Variants in MIB2 observed in about 807,000 individuals in gnomAD.
The protein encoded by MIB2 is E3 ubiquitin-protein ligase MIB2.
MIB2 carries 78 observed loss-of-function variants against 96.6 expected under a neutral mutation model. The ratio of observed to expected loss-of-function variants is 0.81; its 90% confidence interval spans 0.67 to 0.97. The LOEUF is 0.97. Ranked by LOEUF, MIB2 falls within the 50% of genes least tolerant of loss-of-function variation. The probability of loss-of-function intolerance (pLI) is 0.00; values close to 1 mark genes in which losing one functional copy is unlikely to be tolerated. For synonymous variants in MIB2, 820 were observed against 629.5 expected, an observed-to-expected ratio of 1.30 and a Z score of -4.53; for missense variants, 1,543 against 1,424.0, an observed-to-expected ratio of 1.08 and a Z score of -1.35.
intron 2 of MIB2, among the ~76,000 whole-genome samples, chr1:1,621,843 G>A (rs1644286315): frequency 6.6e-6 from 1 of 152,236 alleles, no homozygotes; most frequent in Non-Finnish European, 1.5e-5. Context: ...CAGAGCCTCT[G>A]CACTGGACTC....
At chr1:1,616,651 C>T (rs750639538) in intron 2 of MIB2, 37 bp downstream of exon 2, 5 of 1,510,210 alleles carry the variant, frequency 3.3e-6, no homozygotes, top group South Asian at 2.4e-5. Flanking sequence ...ATAGTTTGCA[C>T]TTGGCTCTCC....
chr1:1,621,573 A>G (rs1262588882), intron 2 of MIB2, among the ~76,000 whole-genome samples: 2 of 152,242 alleles, frequency 1.3e-5, no homozygotes, highest in African/African-American at 4.8e-5. Context: ...AGATGAGGCC[A>G]TGTGGGGTTT....
At chr1:1,627,913 T>A in intron 13 of MIB2, 84 bp downstream of exon 13, 6 of 1,597,892 alleles carry the variant, frequency 3.8e-6, no homozygotes, top group Non-Finnish European at 4.2e-6. Context: ...TGTGTGCTGC[T>A]CCCTGGCCTG....
At chr1:1,616,014 C>G (rs981764419) in intron 1 of MIB2, 1 of 984,636 alleles carries the variant, frequency 1.0e-6, no homozygotes, top group Non-Finnish European at 1.2e-6. Context: ...AACGCCGGGA[C>G]AGACCGACAG....
upstream of MIB2, chr1:1,615,354 A>G (rs1226729739): frequency 2.1e-6 from 3 of 1,404,450 alleles, no homozygotes; most frequent in Non-Finnish European, 1.8e-6. Flanking sequence ...CCGGAGGCTA[A>G]GCCGCTCGGA....
At chr1:1,624,014 C>G (rs546595349) in intron 4 of MIB2, 69 bp downstream of exon 4, 43 of 1,512,102 alleles carry the variant, frequency 2.8e-5, no homozygotes, top group Admixed American at 4.0e-5. Context: ...CCTTGGCCTT[C>G]GGGGAGGGTG....
chr1:1,623,520 G>T lies in MIB2; in HGVS notation c.68G>T (p.Trp23Leu). ...GTGGTGCGCGGCGTGGACTGGAAGT[G>T]GGGCCAGCAGGACGGCGGCGAGGGC... The part of the protein sequence containing the change: ...MRVVRGVDWK[W>L]GQQDGGEGGV... The change falls in exon 3 of 20, where the codon TGG becomes TTG. Residue 23 changes from tryptophan to leucine, a missense_variant. Transcript: ENST00000355826. 6.4e-7 allele frequency: 1 copy of T among 1,554,932 alleles called. No homozygotes were observed. Among genetic ancestry groups the T allele is most frequent in the Admixed American group, 1.9e-5 (1 of 52,044 alleles).
rs375791650 is a variant in MIB2 at position 1,628,296 on chromosome 1, G to A, written c.1865G>A (p.Arg622Gln). Residue 622 changes from arginine (R) to glutamine (Q), a missense_variant, in exon 15 of 20, where the codon CGG (arginine) becomes CAG (glutamine). By Grantham distance (43) the Arg-to-Gln change is conservative. Coordinates refer to ENST00000355826, the MANE Select transcript of MIB2 (RefSeq NM_001170687.4). ...HALAVRKILARARQLVDAKKE... is the reference protein window; with the variant it reads ...HALAVRKILAQARQLVDAKKE... Reference sequence around the variant, plus strand: ...AGAGCTGTGAGAAAGATTCTGGCTCGGGCGCGGCAGCTGGTGGACGCCAAG... The same window carrying A: ...AGAGCTGTGAGAAAGATTCTGGCTCAGGCGCGGCAGCTGGTGGACGCCAAG... 22 of 1,612,820 alleles carry A rather than the reference G, an allele frequency of 1.4e-5. No homozygotes were observed. Among genetic ancestry groups the A allele is most frequent in the Admixed American group, 1.2e-4 (7 of 59,994 alleles).
In MIB2 at chr1:1,615,645, C is replaced by A. The variant is rs1643537116; in HGVS notation, c.-130+12C>A. The A allele has an allele frequency of 1.3e-6, 2 of 1,574,392 alleles. No individual in the cohort carries two copies. The highest frequency in any genetic ancestry group is 1.2e-5 in the South Asian group (1 of 85,904). The stretch of plus-strand genomic sequence containing the variant: ...CCTCTCGGCTGATGGTGCGTGCGGG[C>A]GCGGATCTCCTCCCCTGGTCCTCCG... On this transcript the variant is annotated intron_variant, in intron 1 of 19. Coordinates refer to ENST00000355826, the MANE Select transcript of MIB2 (RefSeq NM_001170687.4).
At position 1,628,533 on chromosome 1, in the gene MIB2, G is replaced by T; in HGVS notation, c.2013G>T (p.Pro671=). 1.9e-6 allele frequency: 3 copies of T among 1,600,852 alleles called. No individual in the cohort carries two copies. The highest frequency in any genetic ancestry group is 2.5e-6 in the Non-Finnish European group (3 of 1,178,590). ...TGCGCAACCGGAAGCTGCAGTCCCC[G>T]CTGCATCTCGCCGTGCAACAGGCCC... The part of the protein sequence containing the change: ...VNVRNRKLQS[P]LHLAVQQAHV... The change falls in exon 16 of 20, where the codon CCG becomes CCT. Residue 671 remains proline (P), a synonymous_variant. Coordinates refer to ENST00000355826, the MANE Select transcript of MIB2 (RefSeq NM_001170687.4).
chr1:1,626,968 G>A lies in MIB2; in HGVS notation c.1209G>A (p.Leu403=). 6.2e-7 allele frequency: 1 copy of A among 1,611,662 alleles called. No homozygotes were observed. The highest frequency in any genetic ancestry group is 1.3e-5 in the African/African-American group (1 of 75,048). The change falls in exon 10 of 20, where the codon CTG becomes CTA. Residue 403 remains leucine (L), a synonymous_variant. Transcript: ENST00000355826. This position sits in a 1 kb window ranked among gnomAD's most constrained non-coding sequence, Gnocchi z 5.3. ...VAYRPEEDAN[L]DVAERARENK... ...ACCGGCCCGAGGAGGATGCCAACCT[G>A]GACGTGGCCGAGCGCGCCCGGGAGA...
chr1:1,624,828 G>A lies in MIB2; in HGVS notation c.453G>A (p.Arg151=), dbSNP rs1644585414. ...TGAGTCCCCGCCAGGGCCTCCCGAG[G>A]ATCCCACTAAGGGGCATCTTCCAGG... ...VTLSPRQGLP[R]IPLRGIFQGA... The change falls in exon 5 of 20, where the codon AGG becomes AGA. Residue 151 remains arginine (R), a synonymous_variant. Coordinates refer to ENST00000355826, the MANE Select transcript of MIB2 (RefSeq NM_001170687.4). The A allele has an allele frequency of 1.2e-6, 2 of 1,612,992 alleles. No individual in the cohort carries two copies. Among genetic ancestry groups the A allele is most frequent in the South Asian group, 2.2e-5 (2 of 91,078 alleles).
intron 19 of MIB2, among the ~76,000 whole-genome samples, chr1:1,629,999 G>A (rs1189270369): frequency 9.7e-6 from 1 of 102,608 alleles, no homozygotes; most frequent in Non-Finnish European, 2.0e-5. Context: ...CCCCACCCCA[G>A]ATCACAGCCC....
In MIB2 at chr1:1,629,112, G is replaced by A. The variant is rs1485560931; in HGVS notation, c.2203-21G>A. 5 of 1,437,048 alleles carry A rather than the reference G, an allele frequency of 3.5e-6. No individual in the cohort carries two copies. The Admixed American group carries it at 9.1e-5, about 26-fold the overall frequency. 89.0% of individuals were successfully genotyped at this position (1,437,048 alleles called of 1,614,324 possible). ...GCCTGCCCCGGCGCCCGCCCTCACC[G>A]GCGTCTGTCCTGCCGCCCAGCTACA... On this transcript the variant is annotated intron_variant, in intron 16 of 19. Coordinates refer to ENST00000355826, the MANE Select transcript of MIB2 (RefSeq NM_001170687.4).
At position 1,623,433 on chromosome 1, in the gene MIB2, C is replaced by T; in HGVS notation, c.-20C>T. 1.2e-6 allele frequency: 2 copies of T among 1,601,912 alleles called. No individual in the cohort carries two copies. Among genetic ancestry groups the T allele is most frequent in the East Asian group, 2.3e-5 (1 of 44,282 alleles). Reference sequence around the variant, plus strand: ...ACCATGGACCCCTCTGCCCACAGGTCCCGAGCAGCCCCGCCCAACATGGAC... The same window carrying T: ...ACCATGGACCCCTCTGCCCACAGGTTCCGAGCAGCCCCGCCCAACATGGAC... On this transcript the variant is annotated splice_region_variant and 5_prime_UTR_variant, in exon 3 of 20. Transcript: ENST00000355826.
In MIB2 at chr1:1,627,071, C is replaced by T. The variant is rs922983625; in HGVS notation, c.1241-3C>T. 1 of 1,600,624 alleles carries T rather than the reference C, an allele frequency of 6.2e-7. No homozygotes were observed. The highest frequency in any genetic ancestry group is 8.5e-7 in the Non-Finnish European group (1 of 1,174,128). On this transcript the variant is annotated splice_polypyrimidine_tract_variant and splice_region_variant and intron_variant, in intron 10 of 19. Coordinates refer to ENST00000355826, the MANE Select transcript of MIB2 (RefSeq NM_001170687.4). ...CCACCACTAACCTCAGCCCTGCCCC[C>T]AGGCTCACTGAGCGTGGCCCTGGAC...
chr1:1,614,080 C>T (rs537926527), upstream of MIB2: 2 of 152,166 alleles, frequency 1.3e-5, no homozygotes, highest in Admixed American at 6.5e-5. Context: ...AAAGATTGTA[C>T]AGGAATTGTG....
chr1:1,629,003 C>A (rs911859454), intron 16 of MIB2, 130 bp from the exon 17 acceptor site: 3 of 1,060,450 alleles, frequency 2.8e-6, no homozygotes. Context: ...CACTTGGGTT[C>A]CGGAAGAGGT....
chr1:1,622,962 C>T (rs1644394366), intron 2 of MIB2, among the ~76,000 whole-genome samples: 3 of 151,960 alleles, frequency 2.0e-5, no homozygotes, highest in African/African-American at 7.3e-5. Context: ...AGTTCCTCGC[C>T]CTGTGTGGAC....
Sources: allele counts gnomAD v4.1 joint callset (sites outside exome capture counted in the v4.1 genomes callset), GRCh38; gene constraint gnomAD v4.1.1; non-coding constraint Gnocchi (gnomAD v3.1); transcripts MANE v1.5; gene names NCBI Gene and HGNC (gene_info 2026-07-23, HGNC 2026-07-21).